The following ZBTB11 variants were observed in gnomAD, a reference collection of about 807,000 sequenced individuals.
ZBTB11 encodes the protein zinc finger and BTB domain-containing protein 11.
Under a neutral mutation model 113.1 loss-of-function variants are expected in ZBTB11, and 68 were observed. That is an observed-to-expected ratio of 0.60 (90% CI 0.49 to 0.74). The LOEUF is 0.74. ZBTB11 is among the 30% of genes least tolerant of loss of function. The pLI is 0.00. For missense variants in ZBTB11, 1,104 were observed against 1,279.4 expected (o/e 0.86, Z 2.09); for synonymous variants, 518 against 452.6 (o/e 1.14, Z -1.83).
rs368388126 is a variant in ZBTB11, at chr3:101,671,346, C to T, written c.562G>A (p.Val188Met). Residue 188 changes from valine to methionine, a missense_variant, in exon 3 of 11, where the codon GTG (valine) becomes ATG (methionine). Transcript: ENST00000312938. The part of the protein sequence containing the change: ...HELVFVDTKG[V>M]VKRSSPKHCQ... ...TGTTTTGGAGAAGAACGTTTTACCA[C>T]TCCTTTGGTGTCAACCTGTCAAAAT... 2.5e-6 allele frequency: 4 copies of T among 1,613,980 alleles called. No homozygotes were observed. The highest frequency in any genetic ancestry group is 1.7e-5 in the Admixed American group (1 of 59,994).
At position 101,672,128 on chromosome 3, in the gene ZBTB11, A is replaced by G. The variant is rs779737824; in HGVS notation, c.396T>C (p.Val132=). The G allele has an allele frequency of 2.7e-5, 43 of 1,614,046 alleles. No homozygotes were observed. The highest frequency in any genetic ancestry group is 3.6e-5 in the Non-Finnish European group (42 of 1,180,018). ...GTCCCAATTCTTCCAACATTTCTGA[A>G]ACATCTGATATTGGACGGGATCGAT... ...KLDRSRPISD[V]SEMLEELGLD... is the part of the protein sequence containing the mutation. The change falls in exon 2 of 11, where the codon GTT becomes GTC. Residue 132 remains valine (V), a synonymous_variant. Coordinates refer to ENST00000312938, the MANE Select transcript of ZBTB11 (RefSeq NM_014415.4).
intron 6 of ZBTB11, among the ~76,000 whole-genome samples, chr3:101,656,635 AC>A (rs1311776511): frequency 6.6e-6 from 1 of 152,210 alleles, no homozygotes; most frequent in Non-Finnish European, 1.5e-5. Flanking sequence ...GTGATGAAGA[AC>A]TAATTATTTT....
At chr3:101,671,759 TAAC>T (rs1937089767) in intron 2 of ZBTB11, 1 of 601,766 alleles carries the variant, frequency 1.7e-6, no homozygotes, top group East Asian at 2.8e-5. Flanking sequence ...GGAGGATAAT[TAAC>T]AACAAACCAA....
chr3:101,671,991 T>C lies in ZBTB11; in HGVS notation c.533A>G (p.His178Arg). ...KPAKKKPVSK[H>R]ELVFVDTKGV... ...AGTACCACTTACAAACACAAGTTCA[T>C]GTTTGGATACTGGCTTCTTTTTTGC... The change falls in exon 2 of 11, where the codon CAT (histidine) becomes CGT (arginine). Residue 178 changes from histidine (H) to arginine (R), a missense_variant. By Grantham distance (29) the His-to-Arg change is conservative (BLOSUM62 0). Coordinates refer to ENST00000312938, the MANE Select transcript of ZBTB11 (RefSeq NM_014415.4). 2.5e-6 allele frequency: 4 copies of C among 1,613,832 alleles called. No homozygotes were observed. The highest frequency in any genetic ancestry group is 3.4e-6 in the Non-Finnish European group (4 of 1,179,706).
chr3:101,664,098 T>C (rs969352718), intron 5 of ZBTB11, among the ~76,000 whole-genome samples: 1 of 152,210 alleles, frequency 6.6e-6, no homozygotes, highest in African/African-American at 2.4e-5. Flanking sequence ...ATTTAATTGC[T>C]TCTGCTTTCA....
Position 101,659,895 on chromosome 3 carries a change from C to A in ZBTB11, c.1934G>T (p.Gly645Val). 1 of 1,614,188 alleles carries A rather than the reference C, an allele frequency of 6.2e-7. No individual in the cohort carries two copies. Among genetic ancestry groups the A allele is most frequent in the African/African-American group, 1.3e-5 (1 of 75,048 alleles). ...NEASGTSSEKGRTKREFICSI... is the reference protein window; with the variant it reads ...NEASGTSSEKVRTKREFICSI... ...ACATATAAATTCCCGCTTGGTTCTG[C>A]CCTTCTCAGATGATGTTCCCGATGC... Residue 645 changes from glycine to valine, a missense_variant, in exon 6 of 11, where the codon GGC becomes GTC. By Grantham distance (109) the Gly-to-Val change is moderately radical. Around this residue, in one of 5 missense-constraint regions of ZBTB11, gnomAD observed 535 missense variants for 518.6 expected, o/e 1.03. Coordinates refer to ENST00000312938, the MANE Select transcript of ZBTB11 (RefSeq NM_014415.4).
intron 5 of ZBTB11, among the ~76,000 whole-genome samples, chr3:101,660,892 GGGA>G (rs1213434631): frequency 2.0e-5 from 3 of 151,972 alleles, no homozygotes; most frequent in African/African-American, 4.8e-5. Context: ...CAGCTGTACT[GGGA>G]GGAGATTTAA....
At chr3:101,656,579 A>G (rs1936802488) in intron 6 of ZBTB11, among the ~76,000 whole-genome samples, 1 of 152,224 alleles carries the variant, frequency 6.6e-6, no homozygotes, top group Non-Finnish European at 1.5e-5. Context: ...ATCAAGAACA[A>G]TATACCATTT....
Position 101,651,220 on chromosome 3 carries a change from T to G in ZBTB11, c.3108A>C (p.Ala1036=), listed in dbSNP as rs765687688. 15 of 1,611,588 alleles carry G rather than the reference T, an allele frequency of 9.3e-6. No individual in the cohort carries two copies. The highest frequency in any genetic ancestry group is 1.3e-5 in the Non-Finnish European group (15 of 1,179,222). Residue 1036 remains alanine (A), a synonymous_variant, in exon 11 of 11, where the codon GCA becomes GCC. Transcript: ENST00000312938. ...QQQGQKLSEV[A]EAIQTVKVEV... is the part of the protein sequence containing the mutation. ...CTACTTTAACAGTTTGAATAGCTTC[T>G]GCAACTTCAGATAGCTTCTGTCCTT...
chr3:101,671,955 G>A (rs1937092841), intron 2 of ZBTB11, 23 bp downstream of exon 2: 1 of 1,579,350 alleles, frequency 6.3e-7, no homozygotes, highest in East Asian at 2.2e-5. Context: ...AAATCTTAAA[G>A]CTGACTGGAG....
intron 3 of ZBTB11, among the ~76,000 whole-genome samples, 159 bp from the exon 4 acceptor site, chr3:101,665,967 C>T (rs1249622528): frequency 1.3e-5 from 2 of 152,152 alleles, no homozygotes; most frequent in East Asian, 3.8e-4. Flanking sequence ...CTTATTAAAC[C>T]TTGACTAACT....
chr3:101,659,030 G>T (rs1408456073), intron 6 of ZBTB11, among the ~76,000 whole-genome samples: 8 of 152,090 alleles, frequency 5.3e-5, no homozygotes, highest in Admixed American at 4.6e-4. Flanking sequence ...CTTGAGCCCA[G>T]GAGTTTGAGG....
At position 101,649,312 on chromosome 3, in the gene ZBTB11, T is replaced by C. The variant is rs1046547577; in HGVS notation, c.*1854A>G. 8.5e-5 allele frequency: 13 copies of C among 152,246 alleles called. No homozygotes were observed. The highest frequency in any genetic ancestry group is 2.7e-4 in the African/African-American group (11 of 41,464). 9.4% of individuals were successfully genotyped at this position (152,246 alleles called of 1,614,324 possible). On this transcript the variant is annotated 3_prime_UTR_variant, in exon 11 of 11. Coordinates refer to ENST00000312938, the MANE Select transcript of ZBTB11 (RefSeq NM_014415.4). ...TATGTAAGAGTAAGAAGTTTTAATA[T>C]TGTGTTCCTCCAATCGTTATTTTTT...
At chr3:101,654,043 CTT>C (rs112555052) in intron 8 of ZBTB11, among the ~76,000 whole-genome samples, 5 of 144,740 alleles carry the variant, frequency 3.5e-5, no homozygotes, top group Admixed American at 7.0e-5. Flanking sequence ...CCTAAAATGA[CTT>C]TTTTTTTTTT....
chr3:101,664,475 A>T, intron 5 of ZBTB11, 63 bp downstream of exon 5: 1 of 1,456,450 alleles, frequency 6.9e-7, no homozygotes, highest in Non-Finnish European at 9.3e-7. Flanking sequence ...ATAACCATGC[A>T]GTAAGTTGGA....
At chr3:101,676,411 CT>C (rs1937174093) in intron 1 of ZBTB11, 193 bp downstream of exon 1, 1 of 560,170 alleles carries the variant, frequency 1.8e-6, no homozygotes, top group African/African-American at 2.0e-5. Context: ...CCGCCCCCAG[CT>C]TCGCCGGCCT....
chr3:101,659,100 G>A (rs561040187), intron 6 of ZBTB11, among the ~76,000 whole-genome samples: 8 of 152,216 alleles, frequency 5.3e-5, no homozygotes, highest in African/African-American at 1.2e-4. Context: ...TTAGCCAGGC[G>A]TGGTGGTGCA....
rs1936956525 is a variant in ZBTB11 at position 101,664,984 on chromosome 3, G to A, written c.1603C>T (p.Pro535Ser). 1 of 1,611,640 alleles carries A rather than the reference G, an allele frequency of 6.2e-7. No individual in the cohort carries two copies. Among genetic ancestry groups the A allele is most frequent in the Admixed American group, 1.7e-5 (1 of 59,788 alleles). Reference protein sequence around the residue: ...EKKLQKRKAVPKSAVQQVAQK... With the variant: ...EKKLQKRKAVSKSAVQQVAQK... ...CATACCTGTTGAACTGCTGACTTGG[G>A]AACGGCTTTCCGTTTCTGCAGCTTT... The change falls in exon 4 of 11, where the codon CCC (proline) becomes TCC (serine). Residue 535 changes from proline (P) to serine (S), a missense_variant. Physicochemically the swap from Pro to Ser is moderately conservative, Grantham distance 74. This residue lies in a region of ZBTB11 where 535 missense variants were observed against 518.6 expected (regional missense o/e 1.03). Coordinates refer to ENST00000312938, the MANE Select transcript of ZBTB11 (RefSeq NM_014415.4).
intron 1 of ZBTB11, 36 bp from the exon 2 acceptor site, chr3:101,672,249 T>C (rs1937096741): frequency 7.0e-7 from 1 of 1,434,876 alleles, no homozygotes; most frequent in Non-Finnish European, 9.6e-7. Context: ...AATTTAATAC[T>C]GTTAACTGAA....
Sources: gnomAD v4.1 joint callset for allele counts (sites outside exome capture counted in the v4.1 genomes callset) on GRCh38, gnomAD v4.1.1 for gene constraint, gnomAD v4.1.1 regional missense constraint, MANE v1.5 for transcripts, NCBI Gene and HGNC (gene_info 2026-07-23, HGNC 2026-07-21) for gene names.